Variants in SERGEF observed in about 807,000 individuals in gnomAD.
The protein encoded by SERGEF is secretion regulating guanine nucleotide exchange factor, also known as secretion-regulating guanine nucleotide exchange factor.
SERGEF carries 51 observed loss-of-function variants against 50.0 expected under a neutral mutation model. The observed-to-expected ratio is 1.02, with a 90% confidence interval of 0.81 to 1.29. The LOEUF (loss-of-function observed/expected upper bound fraction) is 1.29, where lower values mean the gene tolerates loss of function less well. Among genes scored for constraint, SERGEF ranks in the 50% most tolerant of loss-of-function variants. The pLI, the probability that SERGEF is intolerant of heterozygous loss-of-function variation, is 0.00. For missense variants in SERGEF, 521 were observed against 557.0 expected (o/e 0.94, Z 0.65); for synonymous variants, 205 against 212.4 (o/e 0.97, Z 0.30).
intron 9 of SERGEF, among the ~76,000 whole-genome samples, chr11:17,892,153 A>C (rs1165732131): frequency 2.0e-5 from 3 of 152,196 alleles, no homozygotes; most frequent in East Asian, 3.8e-4. Flanking sequence ...GAACACTATT[A>C]TAGACTGATT....
chr11:17,799,877 C>A (rs1322209352), intron 10 of SERGEF, among the ~76,000 whole-genome samples: 3 of 152,196 alleles, frequency 2.0e-5, no homozygotes, highest in African/African-American at 4.8e-5. Context: ...ATCAACTAGG[C>A]TCCCACAAAG....
At chr11:17,800,011 G>A (rs1849637148) in intron 10 of SERGEF, among the ~76,000 whole-genome samples, 1 of 152,122 alleles carries the variant, frequency 6.6e-6, no homozygotes, top group Non-Finnish European at 1.5e-5. Context: ...ATCAAACCCC[G>A]AAGGGAAGAG....
At chr11:17,910,651 T>C (rs928596470) in intron 9 of SERGEF, among the ~76,000 whole-genome samples, 1 of 152,196 alleles carries the variant, frequency 6.6e-6, no homozygotes, top group East Asian at 1.9e-4. Flanking sequence ...CATTCATTCA[T>C]TCATTCTACT....
At chr11:18,006,472 G>T in intron 3 of SERGEF, 119 bp downstream of exon 3, 1 of 1,000,928 alleles carries the variant, frequency 1.0e-6, no homozygotes. Flanking sequence ...CACCGCACCA[G>T]GCCTTATGTG....
intron 9 of SERGEF, among the ~76,000 whole-genome samples, chr11:17,905,650 AG>A (rs1383338569): frequency 6.6e-6 from 1 of 152,188 alleles, no homozygotes; most frequent in Non-Finnish European, 1.5e-5. Context: ...CAGGAGTCAG[AG>A]GTGACAGGAG....
chr11:17,826,653 C>T (rs893824336), intron 10 of SERGEF, among the ~76,000 whole-genome samples: 2 of 152,116 alleles, frequency 1.3e-5, no homozygotes, highest in Non-Finnish European at 2.9e-5. Context: ...CACTAGACTG[C>T]ATGCTTAAAA....
intron 8 of SERGEF, among the ~76,000 whole-genome samples, chr11:17,961,362 G>A (rs1460680887): frequency 6.6e-6 from 1 of 152,158 alleles, no homozygotes; most frequent in Admixed American, 6.5e-5. Context: ...ACCTGAGCTG[G>A]CTAGGATTTC....
intron 4 of SERGEF, chr11:18,000,805 A>G (rs1454834228): frequency 1.6e-6 from 1 of 645,058 alleles, no homozygotes; most frequent in Non-Finnish European, 2.9e-6. Context: ...GGCACTTCTA[A>G]GGTCATCTAG....
intron 10 of SERGEF, among the ~76,000 whole-genome samples, chr11:17,839,562 G>T (rs963736698): frequency 4.6e-5 from 7 of 152,110 alleles, no homozygotes; most frequent in African/African-American, 9.7e-5. Context: ...CAGTCCTCAG[G>T]CAGAAAAAGG....
chr11:17,864,705 T>C (rs1435991019), intron 10 of SERGEF, among the ~76,000 whole-genome samples: 3 of 152,154 alleles, frequency 2.0e-5, no homozygotes, highest in Admixed American at 2.0e-4. Flanking sequence ...TAAAAAACTG[T>C]TGCTCTGCCT....
chr11:17,896,744 T>TAAGGG lies in SERGEF; in HGVS notation c.1012-18501_1012-18500insCCCTT, dbSNP rs1477344023. The stretch of plus-strand genomic sequence containing the variant: ...GGGTAACGGAAGGGTAACGGAAGGG[T>TAAGGG]AACGGAAGGGTAAGGGAAGGGAAGG... On this transcript the variant is annotated intron_variant, in intron 9 of 10. Coordinates refer to ENST00000265965, the MANE Select transcript of SERGEF (RefSeq NM_012139.4). Among the ~76,000 whole-genome samples, 761 of 81,572 alleles carry TAAGGG rather than the reference T, an allele frequency of 9.3e-3. 34 individuals are homozygous for TAAGGG. The highest frequency in any genetic ancestry group is 0.024 in the Middle Eastern group (2 of 84). 53.5% of individuals were successfully genotyped at this position (81,572 alleles called of 152,430 possible). A position where few individuals can be genotyped will look rare whatever the true frequency, so the allele number is the denominator to read the frequency against.
At chr11:17,880,892 T>C (rs1565193517) in intron 9 of SERGEF, among the ~76,000 whole-genome samples, 1 of 152,218 alleles carries the variant, frequency 6.6e-6, no homozygotes, top group African/African-American at 2.4e-5. Flanking sequence ...GTGGCAGTAG[T>C]AGTGGTGGCT....
At chr11:17,881,839 AC>A (rs1477058107) in intron 9 of SERGEF, among the ~76,000 whole-genome samples, 1 of 152,128 alleles carries the variant, frequency 6.6e-6, no homozygotes, top group Non-Finnish European at 1.5e-5. Flanking sequence ...CACAAATCTG[AC>A]CATGTCATGC....
chr11:17,825,679 T>C (rs1041054157), intron 10 of SERGEF, among the ~76,000 whole-genome samples: 4 of 152,208 alleles, frequency 2.6e-5, no homozygotes, highest in African/African-American at 9.7e-5. Context: ...TTTCCTACTT[T>C]AGAGCTTATG....
intron 10 of SERGEF, among the ~76,000 whole-genome samples, chr11:17,835,526 A>G (rs543319075): frequency 4.6e-5 from 7 of 152,254 alleles, no homozygotes; most frequent in Admixed American, 1.3e-4. Flanking sequence ...TCAAGCATGT[A>G]TATGTTATAT....
At chr11:17,816,067 G>A (rs1443378069) in intron 10 of SERGEF, among the ~76,000 whole-genome samples, 1 of 152,156 alleles carries the variant, frequency 6.6e-6, no homozygotes, top group East Asian at 1.9e-4. Flanking sequence ...TGGAAAGTGG[G>A]AAGACTGCAC....
chr11:17,941,991 T>C (rs913558306), intron 9 of SERGEF, among the ~76,000 whole-genome samples: 2 of 151,176 alleles, frequency 1.3e-5, no homozygotes, highest in African/African-American at 4.9e-5. Flanking sequence ...TTGGTTTTTG[T>C]TGTTGCTGAG....
chr11:17,920,301 A>G (rs1852130536), intron 9 of SERGEF, among the ~76,000 whole-genome samples: 1 of 152,034 alleles, frequency 6.6e-6, no homozygotes, highest in Non-Finnish European at 1.5e-5. Flanking sequence ...AACTCCTAAA[A>G]TCCCTTACCC....
chr11:17,891,065 A>G (rs1473339503), intron 9 of SERGEF, among the ~76,000 whole-genome samples: 2 of 152,188 alleles, frequency 1.3e-5, no homozygotes, highest in Admixed American at 6.5e-5. Flanking sequence ...GGCCTAACTA[A>G]ACTTCTGATC....
Sources: gnomAD v4.1 joint callset for allele counts (sites outside exome capture counted in the v4.1 genomes callset) on GRCh38, gnomAD v4.1.1 for gene constraint, MANE v1.5 for transcripts, NCBI Gene and HGNC (gene_info 2026-07-23, HGNC 2026-07-21) for gene names.